The following FGD6 variants were observed in gnomAD, a reference collection of about 807,000 sequenced individuals.
FGD6 encodes FYVE, RhoGEF and PH domain-containing protein 6.
Under a neutral mutation model 149.4 loss-of-function variants are expected in FGD6, and 90 were observed. That is an observed-to-expected ratio of 0.60 (90% CI 0.51 to 0.72). FGD6 has a LOEUF of 0.72. Among genes scored for constraint, FGD6 ranks in the 30% least tolerant of loss-of-function variants. The pLI, the probability that FGD6 is intolerant of heterozygous loss-of-function variation, is 0.00. For missense variants in FGD6, 1,437 were observed against 1,684.8 expected (o/e 0.85, Z 2.57); for synonymous variants, 527 against 584.0 (o/e 0.90, Z 1.41).
intron 3 of FGD6, among the ~76,000 whole-genome samples, chr12:95,165,078 A>C (rs1160207851): frequency 6.6e-6 from 1 of 152,188 alleles, no homozygotes; most frequent in East Asian, 1.9e-4. Context: ...CTGAAAGGAA[A>C]GACCAAAAAC....
intron 3 of FGD6, among the ~76,000 whole-genome samples, chr12:95,168,554 T>C (rs1224246473): frequency 6.6e-6 from 1 of 151,860 alleles, no homozygotes; most frequent in African/African-American, 2.4e-5. Flanking sequence ...TCCCAGCTAC[T>C]CAGGAGGCTC....
chr12:95,206,051 A>G (rs1029303163), intron 2 of FGD6, among the ~76,000 whole-genome samples: 1 of 152,134 alleles, frequency 6.6e-6, no homozygotes, highest in African/African-American at 2.4e-5. Context: ...CACCCAGTCG[A>G]GTAGCAGGCC....
At chr12:95,192,397 T>A (rs1565920439) in intron 2 of FGD6, among the ~76,000 whole-genome samples, 1 of 152,238 alleles carries the variant, frequency 6.6e-6, no homozygotes, top group Non-Finnish European at 1.5e-5. Context: ...ATAGTAAATG[T>A]TAGCTATTTT....
chr12:95,177,055 TGGCCTCAG>T (rs1364742374), intron 2 of FGD6, among the ~76,000 whole-genome samples: 2 of 152,196 alleles, frequency 1.3e-5, no homozygotes, highest in Non-Finnish European at 2.9e-5. Context: ...CTTGAACTCC[TGGCCTCAG>T]GTGATCTGCC....
intron 3 of FGD6, 61 bp from the exon 4 acceptor site, chr12:95,153,054 C>T: frequency 6.8e-7 from 1 of 1,461,606 alleles, no homozygotes; most frequent in Non-Finnish European, 9.6e-7. Context: ...CAGCTATGAG[C>T]TAGTCAGACA....
chr12:95,184,724 G>A (rs555927623), intron 2 of FGD6, among the ~76,000 whole-genome samples: 2 of 151,974 alleles, frequency 1.3e-5, no homozygotes, highest in East Asian at 3.9e-4. Flanking sequence ...TGGGATTACA[G>A]GTGTCCACCA....
At chr12:95,212,692 G>T (rs538498119) in intron 1 of FGD6, among the ~76,000 whole-genome samples, 1 of 152,152 alleles carries the variant, frequency 6.6e-6, no homozygotes, top group African/African-American at 2.4e-5. Context: ...ACTGCTGGAC[G>T]TTGTTTAATT....
intron 18 of FGD6, among the ~76,000 whole-genome samples, chr12:95,088,919 A>G (rs897623714): frequency 2.0e-5 from 3 of 152,310 alleles, no homozygotes; most frequent in Non-Finnish European, 4.4e-5. Flanking sequence ...AAAAAGCAAG[A>G]GAACCAAATT....
intron 5 of FGD6, among the ~76,000 whole-genome samples, chr12:95,146,417 C>G (rs1380307916): frequency 2.0e-5 from 3 of 152,178 alleles, no homozygotes; most frequent in Non-Finnish European, 4.4e-5. Flanking sequence ...TTCACTAACA[C>G]CTCCTTGACA....
intron 10 of FGD6, 34 bp from the exon 11 acceptor site, chr12:95,108,453 T>C (rs1177816681): frequency 6.2e-7 from 1 of 1,613,454 alleles, no homozygotes; most frequent in East Asian, 2.2e-5. Flanking sequence ...TATGAAGGCC[T>C]GGGCTTTCAG....
intron 3 of FGD6, among the ~76,000 whole-genome samples, chr12:95,160,180 A>AT (rs565578358): frequency 9.4e-4 from 140 of 149,386 alleles, no homozygotes; most frequent in Non-Finnish European, 1.4e-3. Context: ...CCTCATTTCT[A>AT]TTTTTTTTTT....
chr12:95,144,245 C>A (rs60129850), intron 5 of FGD6, among the ~76,000 whole-genome samples: 29,457 of 152,108 alleles, frequency 0.19, 3,082 homozygotes, highest in Non-Finnish European at 0.21. Context: ...TTTCAGGTAG[C>A]TCGGAATGGA....
chr12:95,211,255 G>A lies in FGD6; in HGVS notation c.29C>T (p.Pro10Leu). The A allele has an allele frequency of 6.4e-7, 1 of 1,573,698 alleles. No homozygotes were observed. The highest frequency in any genetic ancestry group is 8.6e-7 in the Non-Finnish European group (1 of 1,167,078). ...AAACTTGGGCTTGGGGGCCACTGGT[G>A]GCTTCTTTATCTCTAGAAAGGAAAA... The part of the protein sequence containing the change: MTSAAEIKK[P>L]PVAPKPKFVV... Residue 10 changes from proline (P) to leucine (L), a missense_variant, in exon 2 of 21, where the codon CCA (proline) becomes CTA (leucine). Pro to Leu is a moderately conservative substitution (Grantham distance 98). Transcript: ENST00000343958.
intron 2 of FGD6, 152 bp from the exon 3 acceptor site, chr12:95,172,896 C>A: frequency 1.7e-6 from 1 of 590,516 alleles, no homozygotes; most frequent in East Asian, 3.0e-5. Flanking sequence ...CCAACTTTCC[C>A]TTCCTTCACC....
intron 3 of FGD6, among the ~76,000 whole-genome samples, chr12:95,168,172 CTAA>C (rs1880880384): frequency 6.6e-6 from 1 of 152,096 alleles, no homozygotes; most frequent in African/African-American, 2.4e-5. Context: ...AGTGACAAAT[CTAA>C]GACTAAAACC....
At chr12:95,169,618 C>G (rs1880930197) in intron 3 of FGD6, among the ~76,000 whole-genome samples, 1 of 152,102 alleles carries the variant, frequency 6.6e-6, no homozygotes, top group Admixed American at 6.6e-5. Flanking sequence ...TTAATCCTTC[C>G]TTTATACGAT....
At chr12:95,094,470 C>T (rs1878174730) in intron 15 of FGD6, 122 bp downstream of exon 15, 1 of 647,262 alleles carries the variant, frequency 1.5e-6, no homozygotes, top group African/African-American at 1.8e-5. Flanking sequence ...TGTAGAGTAA[C>T]TCTCTGATGT....
At chr12:95,086,045 T>A in intron 18 of FGD6, 137 bp from the exon 19 acceptor site, 1 of 889,840 alleles carries the variant, frequency 1.1e-6, no homozygotes, top group Non-Finnish European at 1.7e-6. Flanking sequence ...TTCAAAGTGC[T>A]ACTATACAAA....
intron 14 of FGD6, among the ~76,000 whole-genome samples, chr12:95,097,856 T>G (rs1363449552): frequency 2.6e-5 from 4 of 152,090 alleles, no homozygotes; most frequent in Non-Finnish European, 5.9e-5. Flanking sequence ...AGGTGAAACA[T>G]GTATTAACAT....
Sources: allele counts gnomAD v4.1 joint callset (sites outside exome capture counted in the v4.1 genomes callset), GRCh38; gene constraint gnomAD v4.1.1; transcripts MANE v1.5; gene names NCBI Gene and HGNC (gene_info 2026-07-23, HGNC 2026-07-21).